Variants in ELAPOR2 observed in about 807,000 individuals in gnomAD.
ELAPOR2 encodes the protein endosome/lysosome-associated apoptosis and autophagy regulator family member 2.
A neutral mutation model predicts 120.7 loss-of-function variants in ELAPOR2; 89 were observed. The observed-to-expected ratio is 0.74, with a 90% confidence interval of 0.62 to 0.88. The LOEUF is 0.88. ELAPOR2 is among the 40% of genes least tolerant of loss of function. The probability of loss-of-function intolerance (pLI) is 0.00; values close to 1 mark genes in which losing one functional copy is unlikely to be tolerated. For synonymous variants in ELAPOR2, 444 were observed against 444.9 expected (o/e 1.00, Z 0.03); for missense variants, 1,134 against 1,251.6 (o/e 0.91, Z 1.42).
chr7:86,947,326 C>CCCACT lies in ELAPOR2; in HGVS notation c.506+396_506+400dup, dbSNP rs1465724142. Among the ~76,000 whole-genome samples the CCCACT allele has an allele frequency of 2.0e-5, 3 of 152,088 alleles. No individual in the cohort carries two copies. In the East Asian group the frequency reaches 5.8e-4, roughly 29 times the overall value. On this transcript the variant is annotated intron_variant, in intron 3 of 21. Coordinates refer to ENST00000450689, the MANE Select transcript of ELAPOR2 (RefSeq NM_001142749.3). ...GGCGCTTTCCACCTTAGGTACTTAA[C>CCCACT]CCACTCTCTTTTATAGGAGATAATC...
chr7:86,965,265 C>T (rs939805533), intron 1 of ELAPOR2, among the ~76,000 whole-genome samples: 3 of 152,108 alleles, frequency 2.0e-5, no homozygotes, highest in African/African-American at 7.2e-5. Context: ...TGACCATTAT[C>T]CTTTCATCTC....
intron 1 of ELAPOR2, among the ~76,000 whole-genome samples, chr7:87,013,726 G>C (rs1252523591): frequency 6.6e-6 from 1 of 152,058 alleles, no homozygotes. Context: ...ATTAACTTAT[G>C]TTCAATTTTA....
chr7:86,964,556 C>T (rs1009329433), intron 2 of ELAPOR2, among the ~76,000 whole-genome samples: 12 of 151,766 alleles, frequency 7.9e-5, no homozygotes, highest in Non-Finnish European at 1.5e-4. Context: ...GAAATGGTGA[C>T]GATGGTAAAT....
chr7:87,022,293 T>C (rs901846035), intron 1 of ELAPOR2, among the ~76,000 whole-genome samples: 3 of 140,198 alleles, frequency 2.1e-5, no homozygotes, highest in Admixed American at 7.8e-5. Flanking sequence ...TGTGTTCTCA[T>C]TGTTCAAGTC....
At chr7:86,947,702 G>A in intron 3 of ELAPOR2, 25 bp downstream of exon 3, 1 of 1,537,632 alleles carries the variant, frequency 6.5e-7, no homozygotes, top group Non-Finnish European at 8.8e-7. Context: ...TCAGTTAAGA[G>A]CCAAAGGCTG....
chr7:86,891,810 T>C lies in ELAPOR2; in HGVS notation c.2944A>G (p.Ile982Val), dbSNP rs1788170241. ...TCTTCATTATCTTCTCCTTCCATGA[T>C]AGCACAACTGTCTGCAGCCGGGAGT... ...CELPAADSCA[I>V]MEGEDNEEEV... Residue 982 changes from isoleucine to valine, a missense_variant, in exon 21 of 22, where the codon ATC (isoleucine) becomes GTC (valine). Physicochemically the swap from Ile to Val is conservative, Grantham distance 29 (BLOSUM62 3). Coordinates refer to ENST00000450689, the MANE Select transcript of ELAPOR2 (RefSeq NM_001142749.3). 1.9e-6 allele frequency: 3 copies of C among 1,612,424 alleles called. No homozygotes were observed. The highest frequency in any genetic ancestry group is 2.2e-5 in the East Asian group (1 of 44,780).
chr7:87,026,283 A>G (rs1456546566), intron 1 of ELAPOR2, among the ~76,000 whole-genome samples: 1 of 152,116 alleles, frequency 6.6e-6, no homozygotes, highest in African/African-American at 2.4e-5. Context: ...TATGTTTAAT[A>G]TGGTTAGTAT....
At chr7:86,884,974 T>C (rs948636787) in intron 21 of ELAPOR2, among the ~76,000 whole-genome samples, 5 of 152,120 alleles carry the variant, frequency 3.3e-5, no homozygotes, top group Non-Finnish European at 5.9e-5. Flanking sequence ...CTGATTCCCA[T>C]AGGAAAACTT....
intron 1 of ELAPOR2, among the ~76,000 whole-genome samples, chr7:86,979,679 T>C (rs571660831): frequency 3.3e-5 from 5 of 151,602 alleles, no homozygotes; most frequent in South Asian, 2.1e-4. Flanking sequence ...AAGAAGAAAA[T>C]TGGGGAGATA....
chr7:86,938,221 C>T lies in ELAPOR2; in HGVS notation c.1001-7G>A, dbSNP rs1584372526. On this transcript the variant is annotated splice_region_variant and splice_polypyrimidine_tract_variant and intron_variant, in intron 7 of 21. Coordinates refer to ENST00000450689, the MANE Select transcript of ELAPOR2 (RefSeq NM_001142749.3). The stretch of plus-strand genomic sequence containing the variant: ...CACTCACTGGATCCTTCCTCTGCAA[C>T]ATAAAAAAAGCGTTTCAGAAATGGG... 1.3e-6 allele frequency: 2 copies of T among 1,543,920 alleles called. No individual in the cohort carries two copies. The highest frequency in any genetic ancestry group is 4.9e-5 in the East Asian group (2 of 40,880).
rs866145137 is a variant in ELAPOR2 at position 87,058,712 on chromosome 7, T to A, written c.189+613A>T. On this transcript the variant is annotated intron_variant, in intron 1 of 21. Coordinates refer to ENST00000450689, the MANE Select transcript of ELAPOR2 (RefSeq NM_001142749.3). ...TCACTGTCTTTTCTAATTTTCTCCA[T>A]CATCAACCTGCATCTTCTCTACCAA... Among the ~76,000 whole-genome samples the A allele has an allele frequency of 1.8e-4, 27 of 152,280 alleles. No individual in the cohort carries two copies. The Middle Eastern group carries it at 0.017, about 96-fold the overall frequency.
intron 1 of ELAPOR2, among the ~76,000 whole-genome samples, chr7:87,032,673 T>C (rs942160416): frequency 4.6e-5 from 7 of 152,190 alleles, no homozygotes; most frequent in African/African-American, 7.2e-5. Context: ...CTTCTTCACA[T>C]AGAAGAACCA....
rs192289495 is a variant in ELAPOR2 at position 87,036,812 on chromosome 7, T to C, written c.189+22513A>G. ...GAAAGGGAAAAGCAGGGGCAAGGGT[T>C]GAAAAACTGTTGGGTACTATGGTCA... On this transcript the variant is annotated intron_variant, in intron 1 of 21. Transcript: ENST00000450689. Among the ~76,000 whole-genome samples, 576 of 152,212 alleles carry C rather than the reference T, an allele frequency of 3.8e-3. 2 individuals are homozygous for C. The highest frequency in any genetic ancestry group is 0.013 in the African/African-American group (546 of 41,526).
intron 1 of ELAPOR2, among the ~76,000 whole-genome samples, chr7:87,032,659 T>G (rs1251248941): frequency 6.6e-6 from 1 of 152,218 alleles, no homozygotes; most frequent in Non-Finnish European, 1.5e-5. Flanking sequence ...GTACCTATCA[T>G]GTGCTTCTTC....
At chr7:87,046,262 A>G (rs1188065817) in intron 1 of ELAPOR2, among the ~76,000 whole-genome samples, 8 of 152,216 alleles carry the variant, frequency 5.3e-5, no homozygotes, top group African/African-American at 1.2e-4. Context: ...AAAAATCTCT[A>G]TAATGAGAAC....
chr7:87,050,141 T>C (rs1416573136), intron 1 of ELAPOR2, among the ~76,000 whole-genome samples: 2 of 152,210 alleles, frequency 1.3e-5, no homozygotes, highest in Non-Finnish European at 2.9e-5. Flanking sequence ...TATTCTGTTA[T>C]AGAAGCACAA....
At chr7:86,961,037 C>A (rs10487060) in intron 2 of ELAPOR2, among the ~76,000 whole-genome samples, 17,109 of 152,064 alleles carry the variant, frequency 0.11, 1,274 homozygotes, top group Non-Finnish European at 0.17. Flanking sequence ...CACATTAATT[C>A]GCTATACTCT....
At chr7:86,951,363 TATG>T (rs1315940443) in intron 2 of ELAPOR2, among the ~76,000 whole-genome samples, 1 of 152,258 alleles carries the variant, frequency 6.6e-6, no homozygotes, top group African/African-American at 2.4e-5. Context: ...GGTAATATTT[TATG>T]ATATGTTGTT....
intron 1 of ELAPOR2, among the ~76,000 whole-genome samples, chr7:86,987,025 C>T (rs1460402869): frequency 6.6e-6 from 1 of 150,626 alleles, no homozygotes; most frequent in Non-Finnish European, 1.5e-5. Flanking sequence ...AGAACAGAAC[C>T]CTCAGAAATA....
Sources: gnomAD v4.1 joint callset for allele counts (sites outside exome capture counted in the v4.1 genomes callset) on GRCh38, gnomAD v4.1.1 for gene constraint, MANE v1.5 for transcripts, NCBI Gene and HGNC (gene_info 2026-07-23, HGNC 2026-07-21) for gene names.